ARNT2: variants seen among roughly 807,000 people sequenced by gnomAD.
ARNT2 encodes the protein aryl hydrocarbon receptor nuclear translocator 2, also known as ARNT protein 2.
Under a neutral mutation model 91.7 loss-of-function variants are expected in ARNT2, and 36 were observed. The ratio of observed to expected loss-of-function variants is 0.39; its 90% confidence interval spans 0.30 to 0.52. ARNT2 has a LOEUF of 0.52. Ranked by LOEUF, ARNT2 falls within the 20% of genes least tolerant of loss-of-function variation. ARNT2 has a pLI of 0.72. For synonymous variants in ARNT2, 365 were observed against 347.1 expected (o/e 1.05, Z -0.57); for missense variants, 775 against 939.3 (o/e 0.83, Z 2.29).
intron 1 of ARNT2, among the ~76,000 whole-genome samples, chr15:80,405,497 G>A (rs946302270): frequency 1.3e-5 from 2 of 152,076 alleles, no homozygotes; most frequent in Non-Finnish European, 2.9e-5. Context: ...AGGGAGGGTC[G>A]GGGGAGGAAC....
At chr15:80,500,661 G>T (rs541395107) in intron 5 of ARNT2, among the ~76,000 whole-genome samples, 1 of 152,288 alleles carries the variant, frequency 6.6e-6, no homozygotes, top group East Asian at 1.9e-4. Context: ...CATCAAAAAA[G>T]ATGCTCTTTT....
intron 8 of ARNT2, among the ~76,000 whole-genome samples, chr15:80,524,496 A>C (rs550187322): frequency 1.3e-5 from 2 of 152,326 alleles, no homozygotes; most frequent in African/African-American, 4.8e-5. Context: ...TTTCAATGGT[A>C]AAGAATTGGT....
chr15:80,575,025 C>T lies in ARNT2; in HGVS notation c.1428C>T (p.Ala476=), dbSNP rs142796121. ...VPNLPAGVHE[A]GKSVEKADAI... ...ACCTACCAGCCGGTGTTCATGAGGCCGGGAAGTCCGTGGAAAAGGCGGATG... is the reference window on the plus strand; with the variant it reads ...ACCTACCAGCCGGTGTTCATGAGGCTGGGAAGTCCGTGGAAAAGGCGGATG... Residue 476 remains alanine, a synonymous_variant, in exon 14 of 19, where the codon GCC becomes GCT. Transcript: ENST00000303329. 151 of 1,614,032 alleles carry T rather than the reference C, an allele frequency of 9.4e-5. No homozygotes were observed. Among genetic ancestry groups the T allele is most frequent in the Non-Finnish European group, 1.2e-4 (138 of 1,180,044 alleles).
chr15:80,463,984 A>G (rs1896608118), intron 3 of ARNT2, among the ~76,000 whole-genome samples: 1 of 152,170 alleles, frequency 6.6e-6, no homozygotes, highest in Non-Finnish European at 1.5e-5. Flanking sequence ...TGGAGAGATT[A>G]ACCCTGATTT....
chr15:80,506,225 C>CGT, intron 5 of ARNT2, among the ~76,000 whole-genome samples: 1 of 152,296 alleles, frequency 6.6e-6, no homozygotes, highest in Non-Finnish European at 1.5e-5. Flanking sequence ...CGTGAGCCAC[C>CGT]GCGCCCGGCC....
chr15:80,504,129 G>C (rs1897238282), intron 5 of ARNT2, among the ~76,000 whole-genome samples: 1 of 152,206 alleles, frequency 6.6e-6, no homozygotes, highest in Admixed American at 6.5e-5. Context: ...GCAGGCTTGG[G>C]GAGGGTGACT....
At chr15:80,421,665 A>G (rs1895863406) in intron 1 of ARNT2, among the ~76,000 whole-genome samples, 1 of 152,078 alleles carries the variant, frequency 6.6e-6, no homozygotes, top group Non-Finnish European at 1.5e-5. Context: ...ATTAAACCCA[A>G]CTTATTTCTT....
At chr15:80,415,083 G>A (rs896242943) in intron 1 of ARNT2, among the ~76,000 whole-genome samples, 1 of 152,152 alleles carries the variant, frequency 6.6e-6, no homozygotes, top group Non-Finnish European at 1.5e-5. Context: ...AGACTGTTCC[G>A]GTATTCAACA....
chr15:80,511,744 C>T (rs1369487582), intron 6 of ARNT2, among the ~76,000 whole-genome samples: 2 of 151,962 alleles, frequency 1.3e-5, no homozygotes, highest in African/African-American at 2.4e-5. Context: ...TGGGGCTTTC[C>T]TGCCTCAGGG....
At chr15:80,515,340 C>T (rs547349006) in intron 8 of ARNT2, among the ~76,000 whole-genome samples, 2 of 152,114 alleles carry the variant, frequency 1.3e-5, no homozygotes, top group African/African-American at 2.4e-5. Flanking sequence ...CTCAAATGTA[C>T]ACCAAGTGAT....
intron 12 of ARNT2, among the ~76,000 whole-genome samples, chr15:80,573,292 G>A (rs1336085522): frequency 1.3e-5 from 2 of 152,016 alleles, no homozygotes; most frequent in East Asian, 1.9e-4. Flanking sequence ...TTATATATAC[G>A]TTATTATAGG....
intron 2 of ARNT2, 146 bp from the exon 3 acceptor site, chr15:80,457,783 A>C: frequency 1.3e-6 from 1 of 770,946 alleles, no homozygotes; most frequent in Non-Finnish European, 2.1e-6. Flanking sequence ...ATGACTGTGT[A>C]GAGATATTGC....
intron 1 of ARNT2, among the ~76,000 whole-genome samples, chr15:80,411,355 A>G (rs1895678181): frequency 6.6e-6 from 1 of 152,182 alleles, no homozygotes; most frequent in Non-Finnish European, 1.5e-5. Flanking sequence ...GATACCCAGT[A>G]GGGTTTTGTT....
chr15:80,450,972 C>G lies in ARNT2; in HGVS notation c.124C>G (p.Arg42Gly). ...GAGGATGGCGGGGGCCATGCCTGCCCGTGGAGGAAAGCGGCGTTCCGGGTA... is the reference window on the plus strand; with the variant it reads ...GAGGATGGCGGGGGCCATGCCTGCCGGTGGAGGAAAGCGGCGTTCCGGGTA... ...QVRMAGAMPARGGKRRSGMDF... is the reference protein window; with the variant it reads ...QVRMAGAMPAGGGKRRSGMDF... The change falls in exon 2 of 19, where the codon CGT becomes GGT. Residue 42 changes from arginine (R) to glycine (G), a missense_variant. Around this residue, in one of 5 missense-constraint regions of ARNT2, gnomAD observed 79 missense variants for 83.8 expected, o/e 0.94. Coordinates refer to ENST00000303329, the MANE Select transcript of ARNT2 (RefSeq NM_014862.4). The G allele has an allele frequency of 6.2e-7, 1 of 1,614,036 alleles. No individual in the cohort carries two copies. Among genetic ancestry groups the G allele is most frequent in the Non-Finnish European group, 8.5e-7 (1 of 1,180,002 alleles).
intron 8 of ARNT2, among the ~76,000 whole-genome samples, chr15:80,522,820 G>GTATATA (rs57416544): frequency 2.0e-3 from 278 of 135,746 alleles, no homozygotes; most frequent in Non-Finnish European, 3.1e-3. Flanking sequence ...GTGTGTGTGT[G>GTATATA]TATATATATA....
chr15:80,504,870 G>T (rs542874367), intron 5 of ARNT2, among the ~76,000 whole-genome samples: 1 of 152,288 alleles, frequency 6.6e-6, no homozygotes, highest in South Asian at 2.1e-4. Flanking sequence ...ACACTGGGGA[G>T]CTGTGAGTCC....
At chr15:80,563,659 G>A (rs1385324835) in intron 12 of ARNT2, among the ~76,000 whole-genome samples, 1 of 152,154 alleles carries the variant, frequency 6.6e-6, no homozygotes, top group Non-Finnish European at 1.5e-5. Flanking sequence ...GAGCCTCTTG[G>A]CAGCTCTAGG....
chr15:80,591,429 G>C lies in ARNT2; in HGVS notation c.1919-139G>C. 1 of 1,092,334 alleles carries C rather than the reference G, an allele frequency of 9.2e-7. No homozygotes were observed. Among genetic ancestry groups the C allele is most frequent in the Non-Finnish European group, 1.4e-6 (1 of 737,654 alleles). The allele number at this position is 1,092,334 out of a possible 1,614,324, so 67.7% of individuals were successfully genotyped here. A position where few individuals can be genotyped will look rare whatever the true frequency, so the allele number is the denominator to read the frequency against. On this transcript the variant is annotated intron_variant, in intron 17 of 18. Coordinates refer to ENST00000303329, the MANE Select transcript of ARNT2 (RefSeq NM_014862.4). This position sits in a 1 kb window ranked among gnomAD's most constrained non-coding sequence, Gnocchi z 5.1. ...TCTGTCAGCCAGTGAGAAAGACGAG[G>C]ATAGCAAACACATTCCGCCAGCTCT... is the stretch of plus-strand genomic sequence containing the variant.
intron 5 of ARNT2, among the ~76,000 whole-genome samples, chr15:80,478,034 A>C (rs1284894881): frequency 6.6e-6 from 1 of 152,220 alleles, no homozygotes; most frequent in Non-Finnish European, 1.5e-5. Context: ...ATAGGCTCAG[A>C]AAGACTCTTT....
Sources: allele counts gnomAD v4.1 joint callset (sites outside exome capture counted in the v4.1 genomes callset), GRCh38; gene constraint gnomAD v4.1.1; regional missense constraint gnomAD v4.1.1; non-coding constraint Gnocchi (gnomAD v3.1); transcripts MANE v1.5; gene names NCBI Gene and HGNC (gene_info 2026-07-23, HGNC 2026-07-21).